The following ZNF768 variants were observed in gnomAD, a reference collection of about 807,000 sequenced individuals.
ZNF768 encodes the protein zinc finger protein 768.
Under a neutral mutation model 39.7 loss-of-function variants are expected in ZNF768, and 12 were observed. The observed-to-expected ratio is 0.30, with a 90% CI of 0.19 to 0.49. ZNF768 has a LOEUF of 0.49. Among genes scored for constraint, ZNF768 ranks in the 20% least tolerant of loss-of-function variants. ZNF768 has a pLI of 0.99. For synonymous variants in ZNF768, 360 were observed against 288.4 expected, an observed-to-expected ratio of 1.25 and a Z score of -2.52; for missense variants, 613 against 723.2, an observed-to-expected ratio of 0.85 and a Z score of 1.75.
In ZNF768 at chr16:30,526,548, C is replaced by T. The variant is rs573176817; in HGVS notation, c.-135G>A. ...AGGGGACTCGGCGGCCCAGCCCGGG[C>T]CCCCGAGGCCGGACGTCTTGACCCC... On this transcript the variant is annotated 5_prime_UTR_variant, in exon 1 of 2. Coordinates refer to ENST00000380412, the MANE Select transcript of ZNF768 (RefSeq NM_024671.4). The T allele has an allele frequency of 2.8e-6, 3 of 1,075,826 alleles. No homozygotes were observed. The highest frequency in any genetic ancestry group is 3.4e-6 in the Non-Finnish European group (3 of 889,100). The allele number at this position is 1,075,826 out of a possible 1,614,324, so 66.6% of individuals were successfully genotyped here.
At chr16:30,532,430 T>C in the ZNF768 span, 4 of 1,521,676 alleles carry the variant, frequency 2.6e-6, no homozygotes, top group Non-Finnish European at 3.5e-6. Flanking sequence ...TGCAGGCCGC[T>C]GCAGAGGTTC....
chr16:30,526,732 GA>G, upstream of ZNF768: 9 of 180,570 alleles, frequency 5.0e-5, no homozygotes, highest in Non-Finnish European at 6.6e-5. Flanking sequence ...GCTCCCGCCC[GA>G]GCCCCCACCT....
upstream of ZNF768, among the ~76,000 whole-genome samples, chr16:30,529,660 G>A (rs951371963): frequency 6.6e-6 from 1 of 152,088 alleles, no homozygotes; most frequent in African/African-American, 2.4e-5. Flanking sequence ...CTGACATTGG[G>A]GACAGGCCCT....
chr16:30,531,751 C>CT (rs1439984207), upstream of ZNF768: 1 of 152,392 alleles, frequency 6.6e-6, no homozygotes, highest in Non-Finnish European at 1.5e-5. Context: ...GTTCACACCA[C>CT]TGCATTCCAG....
At chr16:30,527,129 G>GAA, upstream of ZNF768, 1 of 985,384 alleles carries the variant, frequency 1.0e-6, no homozygotes, top group Non-Finnish European at 1.2e-6. Flanking sequence ...GCGCCAGCGG[G>GAA]GGCGGTGTCT....
rs1184961926 is a variant in ZNF768, at chr16:30,525,404, C to A, written c.736G>T (p.Gly246Cys). The A allele has an allele frequency of 1.2e-6, 2 of 1,614,052 alleles. No homozygotes were observed. Among genetic ancestry groups the A allele is most frequent in the Non-Finnish European group, 1.7e-6 (2 of 1,180,042 alleles). Residue 246 changes from glycine (G) to cysteine (C), a missense_variant, in exon 2 of 2, where the codon GGT becomes TGT. Physicochemically the swap from Gly to Cys is radical, Grantham distance 159. Coordinates refer to ENST00000380412, the MANE Select transcript of ZNF768 (RefSeq NM_024671.4). ...LGLTGALRGP[G>C]RRGGRARGGQ... ...CCCCTGGCCCGGCCACCCCGCCGAC[C>A]TGGACCTCGAAGGGCTCCTGTGAGA...
In ZNF768 at chr16:30,524,820, C is replaced by T; in HGVS notation, c.1320G>A (p.Gln440=). 6.2e-7 allele frequency: 1 copy of T among 1,610,754 alleles called. No individual in the cohort carries two copies. The highest frequency in any genetic ancestry group is 8.5e-7 in the Non-Finnish European group (1 of 1,179,676). The change falls in exon 2 of 2, where the codon CAG becomes CAA. Residue 440 remains glutamine (Q), a synonymous_variant. Transcript: ENST00000380412. ...KCPECGKRFG[Q]SSVLAIHART... is the part of the protein sequence containing the mutation. ...GGGCGTGGATGGCCAGCACCGAGCT[C>T]TGGCCAAAGCGCTTGCCGCACTCAG...
chr16:30,525,697 C>G lies in ZNF768; in HGVS notation c.443G>C (p.Arg148Thr). Residue 148 changes from arginine to threonine, a missense_variant, in exon 2 of 2, where the codon AGA becomes ACA. Around this residue, in one of 4 missense-constraint regions of ZNF768, gnomAD observed 347 missense variants for 326.1 expected, o/e 1.06. Transcript: ENST00000380412. ...GAGCTCAGTGTTCTGGGATTCATAT[C>G]TAGAGCTCTCAGATTCATAGCCAGG... ...RSPGYESESS[R>T]YESQNTELKT... 6.2e-7 allele frequency: 1 copy of G among 1,613,874 alleles called. No individual in the cohort carries two copies. The highest frequency in any genetic ancestry group is 1.7e-4 in the Middle Eastern group (1 of 6,056).
At chr16:30,526,616 C>T (rs1189844539), upstream of ZNF768, 3 of 1,002,094 alleles carry the variant, frequency 3.0e-6, no homozygotes, top group Non-Finnish European at 3.6e-6. Context: ...CCCGCGGCCC[C>T]GCCCCCTCCC....
rs747482170 is a variant in ZNF768 at position 30,525,693 on chromosome 16, A to G, written c.447T>C (p.Tyr149=). Residue 149 remains tyrosine (Y), a synonymous_variant, in exon 2 of 2, where the codon TAT becomes TAC. Transcript: ENST00000380412. The part of the protein sequence containing the change: ...SPGYESESSR[Y]ESQNTELKTQ... The stretch of plus-strand genomic sequence containing the variant: ...TTTTGAGCTCAGTGTTCTGGGATTC[A>G]TATCTAGAGCTCTCAGATTCATAGC... 1.4e-5 allele frequency: 23 copies of G among 1,613,962 alleles called. No homozygotes were observed. The highest frequency in any genetic ancestry group is 1.8e-5 in the Non-Finnish European group (21 of 1,179,994).
At position 30,525,619 on chromosome 16, in the gene ZNF768, G is replaced by A; in HGVS notation, c.521C>T (p.Ala174Val). ...EAQSSKFQEGAEMLLNPEEKS... is the reference protein window; with the variant it reads ...EAQSSKFQEGVEMLLNPEEKS... ...TTCCTCGGGGTTCAGAAGCATCTCCGCACCTTCCTGGAATTTGGAACTTTG... is the reference window on the plus strand; with the variant it reads ...TTCCTCGGGGTTCAGAAGCATCTCCACACCTTCCTGGAATTTGGAACTTTG... Residue 174 changes from alanine to valine, a missense_variant, in exon 2 of 2, where the codon GCG becomes GTG. Transcript: ENST00000380412. 1.2e-6 allele frequency: 2 copies of A among 1,614,234 alleles called. No individual in the cohort carries two copies. Among genetic ancestry groups the A allele is most frequent in the Admixed American group, 3.3e-5 (2 of 60,034 alleles).
the ZNF768 span, chr16:30,532,372 A>G: frequency 9.2e-7 from 1 of 1,082,374 alleles, no homozygotes; most frequent in Non-Finnish European, 1.3e-6. Flanking sequence ...CCAAGATCAG[A>G]CTGTCCGCAC....
upstream of ZNF768, chr16:30,526,853 C>G (rs1174484693): frequency 1.0e-6 from 1 of 984,986 alleles, no homozygotes; most frequent in African/African-American, 1.8e-5. Context: ...CCCGCCGGCT[C>G]GCGCCGCGGC....
chr16:30,529,599 C>T (rs764907981), upstream of ZNF768, among the ~76,000 whole-genome samples: 2 of 152,214 alleles, frequency 1.3e-5, no homozygotes, highest in African/African-American at 2.4e-5. Flanking sequence ...ACAGCAGCCA[C>T]GGCACAGGGC....
rs759074238 is a variant in ZNF768 at position 30,526,332 on chromosome 16, G to A, written c.82C>T (p.Leu28Phe). The A allele has an allele frequency of 1.9e-6, 3 of 1,609,194 alleles. No homozygotes were observed. Among genetic ancestry groups the A allele is most frequent in the South Asian group, 2.2e-5 (2 of 90,620 alleles). The change falls in exon 1 of 2, where the codon CTC (leucine) becomes TTC (phenylalanine). Residue 28 changes from leucine to phenylalanine, a missense_variant. Transcript: ENST00000380412. ...ACGGGCGCTCCCTCCTCACCTCTGAGGTACCCTTCGGGGCTCCTCATTTCG... is the reference window on the plus strand; with the variant it reads ...ACGGGCGCTCCCTCCTCACCTCTGAAGTACCCTTCGGGGCTCCTCATTTCG... ...SDEMRSPEGY[L>F]RGNMSENEEE...
At position 30,524,831 on chromosome 16, in the gene ZNF768, G is replaced by A. The variant is rs1380283899; in HGVS notation, c.1309C>T (p.Arg437Cys). ...GCCAGCACCGAGCTCTGGCCAAAGC[G>A]CTTGCCGCACTCAGGGCACTTGAAG... ...KPFKCPECGK[R>C]FGQSSVLAIH... is the part of the protein sequence containing the mutation. The change falls in exon 2 of 2, where the codon CGC (arginine) becomes TGC (cysteine). Residue 437 changes from arginine to cysteine, a missense_variant. Physicochemically the swap from Arg to Cys is radical, Grantham distance 180. Transcript: ENST00000380412. 9 of 1,610,370 alleles carry A rather than the reference G, an allele frequency of 5.6e-6. No individual in the cohort carries two copies. In the Admixed American group the frequency reaches 1.3e-4, roughly 24 times the overall value.
At chr16:30,530,169 A>G (rs1019614588), upstream of ZNF768, among the ~76,000 whole-genome samples, 5 of 151,780 alleles carry the variant, frequency 3.3e-5, no homozygotes, top group African/African-American at 1.2e-4. This position sits in a 1 kb window ranked among gnomAD's most constrained non-coding sequence, Gnocchi z 4.4. Flanking sequence ...GCCTGGCCCT[A>G]CCTCTAGGTG....
chr16:30,527,266 C>G (rs1192597515), upstream of ZNF768: 8 of 986,222 alleles, frequency 8.1e-6, no homozygotes, highest in Non-Finnish European at 9.6e-6. Flanking sequence ...TCCCCGGCAC[C>G]TGCGCGCGCC....
upstream of ZNF768, chr16:30,527,425 T>C (rs1471042537): frequency 1.4e-6 from 1 of 711,798 alleles, no homozygotes; most frequent in African/African-American, 1.9e-5. Flanking sequence ...AGCCCGGCGG[T>C]TGGCCGATGG....
Sources: allele counts gnomAD v4.1 joint callset (sites outside exome capture counted in the v4.1 genomes callset), GRCh38; gene constraint gnomAD v4.1.1; regional missense constraint gnomAD v4.1.1; non-coding constraint Gnocchi (gnomAD v3.1); transcripts MANE v1.5; gene names NCBI Gene and HGNC (gene_info 2026-07-23, HGNC 2026-07-21).